PASK: variants seen among roughly 807,000 people sequenced by gnomAD.
PASK encodes PAS domain containing serine/threonine kinase.
PASK carries 110 observed loss-of-function variants against 121.0 expected under a neutral mutation model. The ratio of observed to expected loss-of-function variants is 0.91; its 90% confidence interval spans 0.78 to 1.06. PASK has a LOEUF of 1.06. Ranked by LOEUF, PASK falls within the 50% of genes least tolerant of loss-of-function variation. PASK has a pLI of 0.00. For synonymous variants in PASK, 686 were observed against 717.8 expected, an observed-to-expected ratio of 0.96 and a Z score of 0.71; for missense variants, 1,643 against 1,702.3, an observed-to-expected ratio of 0.97 and a Z score of 0.61.
intron 12 of PASK, chr2:241,118,777 G>A: frequency 2.9e-6 from 1 of 342,924 alleles, no homozygotes; most frequent in South Asian, 7.8e-5. Context: ...CCACGGCGCA[G>A]GGCAGACAGC....
In PASK at chr2:241,137,225, C is replaced by T. The variant is rs755503794; in HGVS notation, c.916G>A (p.Gly306Ser). ...TTTAAGCTCAGAGGGAAGGTGGTAC[C>T]GTCCCTGGCTCTTCCAACAGACCTC... ...IQRSVGRARDGTTFPLSLKLK... is the reference protein window; with the variant it reads ...IQRSVGRARDSTTFPLSLKLK... Residue 306 changes from glycine (G) to serine (S), a missense_variant, in exon 7 of 18, where the codon GGT becomes AGT. Gly to Ser is a moderately conservative substitution (Grantham distance 56). This residue lies in a region of PASK where 1,176 missense variants were observed against 1,162.2 expected (regional missense o/e 1.01). Transcript: ENST00000234040. 4.3e-6 allele frequency: 7 copies of T among 1,612,820 alleles called. No individual in the cohort carries two copies. The highest frequency in any genetic ancestry group is 2.2e-5 in the South Asian group (2 of 91,036).
intron 3 of PASK, 26 bp from the exon 4 acceptor site, chr2:241,140,081 G>A (rs748433807): frequency 1.9e-6 from 3 of 1,602,144 alleles, no homozygotes; most frequent in East Asian, 4.5e-5. Flanking sequence ...GAGGAGCAAG[G>A]ATGCAGACAT....
intron 9 of PASK, among the ~76,000 whole-genome samples, chr2:241,128,363 A>G (rs913318183): frequency 3.9e-5 from 6 of 152,198 alleles, no homozygotes; most frequent in African/African-American, 1.4e-4. Context: ...GGTGGCACAC[A>G]ATGTCCTCCA....
chr2:241,142,693 T>C (rs1375455044), intron 2 of PASK, 144 bp downstream of exon 2: 2 of 686,346 alleles, frequency 2.9e-6, no homozygotes, highest in East Asian at 2.7e-5. Context: ...TCTGCCAGCA[T>C]GAGCCGAGCA....
At position 241,115,337 on chromosome 2, in the gene PASK, G is replaced by C. The variant is rs2065283281; in HGVS notation, c.3149C>G (p.Thr1050Ser). The change falls in exon 13 of 18, where the codon ACT becomes AGT. Residue 1050 changes from threonine to serine, a missense_variant. This residue lies in a region of PASK where 453 missense variants were observed against 511.2 expected (regional missense o/e 0.89). Transcript: ENST00000234040. The part of the protein sequence containing the change: ...WIEDPKLGKV[T>S]LEIAILSRVE... ...CCTGGATAGAATTGCGATCTCTAAAGTAACTTTCCCAAGTTTGGGATCCTC... is the reference window on the plus strand; with the variant it reads ...CCTGGATAGAATTGCGATCTCTAAACTAACTTTCCCAAGTTTGGGATCCTC... 6.2e-6 allele frequency: 10 copies of C among 1,613,920 alleles called. No individual in the cohort carries two copies. The highest frequency in any genetic ancestry group is 8.5e-6 in the Non-Finnish European group (10 of 1,179,866).
chr2:241,145,600 T>C (rs1575351854), intron 1 of PASK: 1 of 151,812 alleles, frequency 6.6e-6, no homozygotes, highest in South Asian at 2.1e-4. Context: ...AACGTTAAAA[T>C]TGAGAACACA....
chr2:241,137,263 T>A lies in PASK; in HGVS notation c.878A>T (p.Asn293Ile). Residue 293 changes from asparagine to isoleucine, a missense_variant and splice_region_variant, in exon 7 of 18, where the codon AAT (asparagine) becomes ATT (isoleucine). Around this residue, in one of 3 missense-constraint regions of PASK, gnomAD observed 1,176 missense variants for 1,162.2 expected, o/e 1.01. Coordinates refer to ENST00000234040, the MANE Select transcript of PASK (RefSeq NM_015148.4). ...TCCAACAGACCTCTGAATCTTGAGA[T>A]TCTGAAAGAAAGGCTTGTCGTTTGG... ...LPPSGQHIPK[N>I]LKIQRSVGRA... The A allele has an allele frequency of 1.2e-6, 2 of 1,613,250 alleles. No homozygotes were observed. Among genetic ancestry groups the A allele is most frequent in the Non-Finnish European group, 8.5e-7 (1 of 1,179,194 alleles).
rs1314340835 is a variant in PASK, at chr2:241,108,630, T to C, written c.3534-330A>G. On this transcript the variant is annotated intron_variant, in intron 15 of 17. Transcript: ENST00000234040. This position sits in a 1 kb window ranked among gnomAD's most constrained non-coding sequence, Gnocchi z 5.2. The stretch of plus-strand genomic sequence containing the variant: ...CTGGAGGAAGCAGAGTACACGTCCA[T>C]TGGCTTTGCTGAGGGCCACGGGAGC... 3 of 409,552 alleles carry C rather than the reference T, an allele frequency of 7.3e-6. No homozygotes were observed. Among genetic ancestry groups the C allele is most frequent in the Non-Finnish European group, 1.4e-5 (3 of 215,624 alleles). 25.4% of individuals were successfully genotyped at this position (409,552 alleles called of 1,614,324 possible). A position where few individuals can be genotyped will look rare whatever the true frequency, so the allele number is the denominator to read the frequency against.
intron 12 of PASK, among the ~76,000 whole-genome samples, chr2:241,119,493 A>G (rs916854894): frequency 1.3e-5 from 2 of 149,062 alleles, no homozygotes; most frequent in African/African-American, 5.0e-5. Flanking sequence ...TTTGGAGACA[A>G]GAGTCTTGCT....
intron 16 of PASK, among the ~76,000 whole-genome samples, chr2:241,107,778 T>C (rs1248777828): frequency 6.6e-6 from 1 of 152,226 alleles, no homozygotes; most frequent in Non-Finnish European, 1.5e-5. Context: ...GCTCTGGCAA[T>C]GCAGAGCTGT....
intron 8 of PASK, among the ~76,000 whole-genome samples, chr2:241,135,248 T>TA (rs1559389912): frequency 6.6e-6 from 1 of 152,170 alleles, no homozygotes; most frequent in Non-Finnish European, 1.5e-5. Flanking sequence ...AACCAGGAAA[T>TA]ACTGGTAGAA....
intron 9 of PASK, among the ~76,000 whole-genome samples, chr2:241,130,494 G>A (rs1408754843): frequency 6.6e-6 from 1 of 152,120 alleles, no homozygotes; most frequent in Non-Finnish European, 1.5e-5. Context: ...GGGCCCGGCC[G>A]CTAGTGCTGT....
At chr2:241,124,195 G>A (rs1290728216) in intron 10 of PASK, 62 bp from the exon 11 acceptor site, 39 of 1,396,962 alleles carry the variant, frequency 2.8e-5, no homozygotes, top group Non-Finnish European at 3.6e-5. Context: ...AGCAGCTTTA[G>A]GTTAGAAAAG....
chr2:241,134,928 TC>T (rs1297463123), intron 8 of PASK, among the ~76,000 whole-genome samples: 6 of 151,880 alleles, frequency 4.0e-5, no homozygotes, highest in Non-Finnish European at 8.8e-5. Flanking sequence ...AGTTCCGGGG[TC>T]CCCACCAGGG....
intron 9 of PASK, 58 bp from the exon 10 acceptor site, chr2:241,127,509 G>T: frequency 7.7e-7 from 1 of 1,297,018 alleles, no homozygotes; most frequent in Non-Finnish European, 1.1e-6. Flanking sequence ...CAAAAGGAGA[G>T]ATTGCACCGA....
chr2:241,139,842 T>C, intron 4 of PASK, 43 bp downstream of exon 4: 1 of 1,596,764 alleles, frequency 6.3e-7, no homozygotes, highest in Non-Finnish European at 8.6e-7. Flanking sequence ...CACACACTGC[T>C]GGTCTTGAGG....
At chr2:241,125,540 C>A (rs2065812801) in intron 10 of PASK, among the ~76,000 whole-genome samples, 2 of 144,910 alleles carry the variant, frequency 1.4e-5, no homozygotes, top group Middle Eastern at 3.6e-3. Context: ...GCGGAGCTTG[C>A]AGTAAGCTGA....
chr2:241,135,736 C>CG, intron 8 of PASK, 135 bp downstream of exon 8: 1 of 750,182 alleles, frequency 1.3e-6, no homozygotes, highest in Non-Finnish European at 2.3e-6. Context: ...ACAGTCACCC[C>CG]CTACTCCGCC....
chr2:241,120,808 G>C (rs1445852291), intron 12 of PASK, among the ~76,000 whole-genome samples: 1 of 152,210 alleles, frequency 6.6e-6, no homozygotes, highest in East Asian at 1.9e-4. Flanking sequence ...CATGACCCAT[G>C]AAGTGCACTA....
Sources: gnomAD v4.1 joint callset for allele counts (sites outside exome capture counted in the v4.1 genomes callset) on GRCh38, gnomAD v4.1.1 for gene constraint, gnomAD v4.1.1 regional missense constraint, Gnocchi (gnomAD v3.1) non-coding constraint, MANE v1.5 for transcripts, NCBI Gene and HGNC (gene_info 2026-07-23, HGNC 2026-07-21) for gene names.